The following PRPF3 variants were observed in gnomAD, a reference collection of about 807,000 sequenced individuals.
PRPF3 encodes the protein pre-mRNA processing factor 3.
In PRPF3, 3 loss-of-function variants were observed where a neutral mutation model predicts 89.2. The ratio of observed to expected loss-of-function variants is 0.03; its 90% CI spans 0.02 to 0.09. PRPF3 has a LOEUF of 0.09. Ranked by LOEUF, PRPF3 falls within the 10% of genes least tolerant of loss-of-function variation. The pLI is 1.00. For missense variants in PRPF3, 463 were observed against 828.8 expected, an observed-to-expected ratio of 0.56 and a Z score of 5.42; for synonymous variants, 270 against 289.1, an observed-to-expected ratio of 0.93 and a Z score of 0.67.
intron 7 of PRPF3, among the ~76,000 whole-genome samples, chr1:150,337,499 A>C (rs148631740): frequency 2.6e-5 from 4 of 152,194 alleles, no homozygotes; most frequent in African/African-American, 9.6e-5. Context: ...CGTTAGGTGT[A>C]AAGAGTTCAA....
rs1271540038 is a variant in PRPF3 at position 150,332,989 on chromosome 1, C to T, written c.518C>T (p.Pro173Leu). 1.9e-6 allele frequency: 3 copies of T among 1,613,362 alleles called. No homozygotes were observed. The highest frequency in any genetic ancestry group is 2.7e-5 in the African/African-American group (2 of 74,908). ...ISPPTPQPKT[P>L]SSSQPERLPI... ...TTCTCTATCTCACAGCCAAAGACTCCTTCTTCCTCCCAACCAGAACGACTT... is the reference window on the plus strand; with the variant it reads ...TTCTCTATCTCACAGCCAAAGACTCTTTCTTCCTCCCAACCAGAACGACTT... Residue 173 changes from proline (P) to leucine (L), a missense_variant, in exon 6 of 16, where the codon CCT becomes CTT. Around this residue, in one of 8 missense-constraint regions of PRPF3, gnomAD observed 38 missense variants for 48.3 expected, o/e 0.79. Coordinates refer to ENST00000324862, the MANE Select transcript of PRPF3 (RefSeq NM_004698.4).
chr1:150,331,394 T>A (rs1450577041), intron 4 of PRPF3, among the ~76,000 whole-genome samples: 1 of 151,504 alleles, frequency 6.6e-6, no homozygotes, highest in African/African-American at 2.4e-5. Context: ...AGATGGAGTC[T>A]CCCCCTGTTG....
At chr1:150,325,724 C>T (rs1006290462) in intron 2 of PRPF3, 27 bp from the exon 3 acceptor site, 2 of 1,608,516 alleles carry the variant, frequency 1.2e-6, no homozygotes, top group Middle Eastern at 3.4e-4. Context: ...ACCTTTCCAA[C>T]CCTACCACCG....
chr1:150,333,316 T>C (rs1656618364), intron 6 of PRPF3, 117 bp downstream of exon 6: 7 of 1,168,020 alleles, frequency 6.0e-6, no homozygotes, highest in Admixed American at 6.0e-5. Flanking sequence ...TCGTAGCACT[T>C]TGGGAGGCTG....
chr1:150,341,530 T>C lies in PRPF3; in HGVS notation c.1282+1053T>C, dbSNP rs1657728503. ...AAGCAATTCTCCTGCCTCAGCCTCC[T>C]GAGTAGCTGGGATTACAGGCATGTG... is the stretch of plus-strand genomic sequence containing the variant. On this transcript the variant is annotated intron_variant, in intron 9 of 15. Transcript: ENST00000324862. Among the ~76,000 whole-genome samples the C allele has an allele frequency of 2.7e-5, 4 of 149,944 alleles. No individual in the cohort carries two copies. In the South Asian group the frequency reaches 8.5e-4, roughly 32 times the overall value.
In PRPF3 at chr1:150,343,304, G is replaced by C. The variant is rs200395678; in HGVS notation, c.1283-5G>C. ...CTTTGGTATACTAATATCTCTGCCT[G>C]ACAGTTGACAATGACACACCAGTTA... On this transcript the variant is annotated splice_polypyrimidine_tract_variant and splice_region_variant and intron_variant, in intron 9 of 15. Transcript: ENST00000324862. 6.2e-7 allele frequency: 1 copy of C among 1,607,226 alleles called. No homozygotes were observed. The highest frequency in any genetic ancestry group is 8.5e-7 in the Non-Finnish European group (1 of 1,176,666).
chr1:150,348,398 A>C (rs1288233066), intron 14 of PRPF3, among the ~76,000 whole-genome samples: 4 of 149,846 alleles, frequency 2.7e-5, no homozygotes, highest in African/African-American at 4.9e-5. Context: ...AATATAAATA[A>C]AATCTGCAGA....
chr1:150,333,130 A>G lies in PRPF3; in HGVS notation c.659A>G (p.Lys220Arg), dbSNP rs1175928226. The G allele has an allele frequency of 6.2e-7, 1 of 1,614,122 alleles. No individual in the cohort carries two copies. Among genetic ancestry groups the G allele is most frequent in the African/African-American group, 1.3e-5 (1 of 74,948 alleles). Residue 220 changes from lysine to arginine, a missense_variant, in exon 6 of 16, where the codon AAG (lysine) becomes AGG (arginine). Physicochemically the swap from Lys to Arg is conservative, Grantham distance 26. Coordinates refer to ENST00000324862, the MANE Select transcript of PRPF3 (RefSeq NM_004698.4). ...QARIQAQLAL[K>R]PGLIGNANMV... ...CGAATCCAAGCCCAGCTGGCACTGA[A>G]GCCAGGACTCATCGGCAATGCCAAC...
chr1:150,334,968 A>G lies in PRPF3; in HGVS notation c.762A>G (p.Thr254=). Residue 254 remains threonine, a synonymous_variant, in exon 7 of 16, where the codon ACA becomes ACG. Transcript: ENST00000324862. ...KVELKDQTKP[T]PLILDEQGRT... is the part of the protein sequence containing the mutation. ...AGTTAAAAGACCAAACGAAACCTAC[A>G]CCACTGATCCTGGATGAGCAAGGGC... The G allele has an allele frequency of 6.2e-7, 1 of 1,614,120 alleles. No individual in the cohort carries two copies. Among genetic ancestry groups the G allele is most frequent in the Non-Finnish European group, 8.5e-7 (1 of 1,180,024 alleles).
In PRPF3 at chr1:150,351,717, C is replaced by G. The variant is rs587666400; in HGVS notation, c.1906-1116C>G. The stretch of plus-strand genomic sequence containing the variant: ...TTAGAAATGGATCTCACTATGTTGC[C>G]TAGGCTTGTCTTGAACTCTTAGCCT... On this transcript the variant is annotated intron_variant, in intron 15 of 15. Coordinates refer to ENST00000324862, the MANE Select transcript of PRPF3 (RefSeq NM_004698.4). 2.3e-5 allele frequency among the ~76,000 whole-genome samples: 3 copies of G among 130,850 alleles called. No individual in the cohort carries two copies. In the East Asian group the frequency reaches 6.8e-4, roughly 30 times the overall value. 85.8% of individuals were successfully genotyped at this position (130,850 alleles called of 152,430 possible). A position where few individuals can be genotyped will look rare whatever the true frequency, so the allele number is the denominator to read the frequency against.
rs1323250254 is a variant in PRPF3 at position 150,331,343 on chromosome 1, T to A, written c.424-1341T>A. On this transcript the variant is annotated intron_variant, in intron 4 of 15. Coordinates refer to ENST00000324862, the MANE Select transcript of PRPF3 (RefSeq NM_004698.4). ...TGAGCCACCACGCCCAGCCCTGTAA[T>A]TTTTAATTTTTTTATTTTCTTTCTT... Among the ~76,000 whole-genome samples, 3 of 151,950 alleles carry A rather than the reference T, an allele frequency of 2.0e-5. No individual in the cohort carries two copies. In the South Asian group the frequency reaches 6.2e-4, roughly 32 times the overall value.
At chr1:150,322,868 T>G (rs138704499) in intron 1 of PRPF3, among the ~76,000 whole-genome samples, 2,376 of 114,900 alleles carry the variant, frequency 0.021, 27 homozygotes, top group Middle Eastern at 0.04. Flanking sequence ...TGACTCCCAT[T>G]TAGACACCTT....
intron 3 of PRPF3, 136 bp downstream of exon 3, chr1:150,326,017 T>A: frequency 1.8e-6 from 2 of 1,088,902 alleles, no homozygotes; most frequent in Non-Finnish European, 2.7e-6. Context: ...GACATTAGAG[T>A]AGGAGAGATG....
At position 150,347,334 on chromosome 1, in the gene PRPF3, C is replaced by CACACATACAT. The variant is rs1658390819; in HGVS notation, c.1843+844_1843+853dup. Among the ~76,000 whole-genome samples, 4 of 151,888 alleles carry CACACATACAT rather than the reference C, an allele frequency of 2.6e-5. No individual in the cohort carries two copies. The South Asian group carries it at 8.3e-4, about 31-fold the overall frequency. On this transcript the variant is annotated intron_variant, in intron 14 of 15. Coordinates refer to ENST00000324862, the MANE Select transcript of PRPF3 (RefSeq NM_004698.4). Reference sequence around the variant, plus strand: ...CACACATACACATACACACAATACACACACATACATGTACATGTACATACT... The same window carrying CACACATACAT: ...CACACATACACATACACACAATACACACACATACATACACATACATGTACATGTACATACT...
chr1:150,326,567 T>G (rs1342890923), intron 3 of PRPF3, among the ~76,000 whole-genome samples: 2 of 152,094 alleles, frequency 1.3e-5, no homozygotes, highest in African/African-American at 2.4e-5. Context: ...AAAAGTTCTG[T>G]GACTCCTATC....
chr1:150,338,660 G>T lies in PRPF3; in HGVS notation c.1202+334G>T, dbSNP rs184354883. ...CCCTCAAGTAGCTGGGACTACAGGT[G>T]TGTGCCACCATGCCCATCTGCTTTT... On this transcript the variant is annotated intron_variant, in intron 8 of 15. Coordinates refer to ENST00000324862, the MANE Select transcript of PRPF3 (RefSeq NM_004698.4). 1.9e-3 allele frequency among the ~76,000 whole-genome samples: 285 copies of T among 152,204 alleles called. 3 individuals carry two copies. The Middle Eastern group carries it at 0.031, about 16-fold the overall frequency.
chr1:150,343,885 T>C (rs947479693), intron 10 of PRPF3, among the ~76,000 whole-genome samples: 1 of 152,332 alleles, frequency 6.6e-6, no homozygotes, highest in East Asian at 1.9e-4. Context: ...CTAGATGCTG[T>C]GATCAGTGTG....
At chr1:150,322,004 C>T (rs1224812929) in intron 1 of PRPF3, among the ~76,000 whole-genome samples, 1 of 152,076 alleles carries the variant, frequency 6.6e-6, no homozygotes, top group Non-Finnish European at 1.5e-5. Context: ...GATCATTGTA[C>T]CTCGCTTTCC....
intron 1 of PRPF3, among the ~76,000 whole-genome samples, chr1:150,322,743 C>T (rs782226270): frequency 6.6e-6 from 1 of 152,120 alleles, no homozygotes; most frequent in Non-Finnish European, 1.5e-5. Flanking sequence ...GTTAATCAGA[C>T]TGGATTTTTT....
Sources: gnomAD v4.1 joint callset for allele counts (sites outside exome capture counted in the v4.1 genomes callset) on GRCh38, gnomAD v4.1.1 for gene constraint, gnomAD v4.1.1 regional missense constraint, MANE v1.5 for transcripts, NCBI Gene and HGNC (gene_info 2026-07-23, HGNC 2026-07-21) for gene names.